Variants in BACE2 observed in about 807,000 individuals in gnomAD.
BACE2 encodes 56 kDa aspartic-like protease.
In BACE2, 17 loss-of-function variants were observed where a neutral mutation model predicts 46.2. The ratio of observed to expected loss-of-function variants is 0.37; its 90% CI spans 0.25 to 0.55. BACE2 has a LOEUF of 0.55. Among genes scored for constraint, BACE2 ranks in the 20% least tolerant of loss-of-function variants. The pLI, the probability that BACE2 is intolerant of heterozygous loss-of-function variation, is 0.82. For synonymous variants in BACE2, 277 were observed against 295.9 expected (o/e 0.94, Z 0.66); for missense variants, 595 against 698.1 (o/e 0.85, Z 1.66).
rs776178618 is a variant in BACE2 at position 41,226,325 on chromosome 21, C to T, written c.372C>T (p.Ser124=). 3.0e-5 allele frequency: 49 copies of T among 1,613,998 alleles called. No homozygotes were observed. The highest frequency in any genetic ancestry group is 4.1e-5 in the Non-Finnish European group (48 of 1,180,034). The part of the protein sequence containing the change: ...SNFAVAGTPH[S]YIDTYFDTER... The stretch of plus-strand genomic sequence containing the variant: ...TTGCCGTGGCAGGAACCCCGCACTC[C>T]TACATAGACACGTACTTTGACACAG... The change falls in exon 2 of 9, where the codon TCC becomes TCT. Residue 124 remains serine (S), a synonymous_variant. Transcript: ENST00000330333.
At position 41,243,499 on chromosome 21, in the gene BACE2, G is replaced by A. The variant is rs770828662; in HGVS notation, c.871G>A (p.Asp291Asn). 6.2e-7 allele frequency: 1 copy of A among 1,610,612 alleles called. No homozygotes were observed. ...AATTGGAGGCCAAAGCCTTAATCTG[G>A]ACTGCAGAGAGGTATTTATGCTATG... Reference protein sequence around the residue: ...LEIGGQSLNLDCREYNADKAI... With the variant: ...LEIGGQSLNLNCREYNADKAI... Residue 291 changes from aspartate (D) to asparagine (N), a missense_variant, in exon 5 of 9, where the codon GAC becomes AAC. By Grantham distance (23) the Asp-to-Asn change is conservative. This residue lies in a region of BACE2 where 343 missense variants were observed against 419.4 expected (regional missense o/e 0.82). Coordinates refer to ENST00000330333, the MANE Select transcript of BACE2 (RefSeq NM_012105.5).
chr21:41,227,212 G>A (rs917122090), intron 2 of BACE2, among the ~76,000 whole-genome samples: 9 of 152,270 alleles, frequency 5.9e-5, no homozygotes, highest in South Asian at 4.1e-4. Context: ...TAAATTCAAC[G>A]GACAGAACAG....
At chr21:41,260,850 T>C (rs1987917212) in intron 8 of BACE2, among the ~76,000 whole-genome samples, 1 of 152,354 alleles carries the variant, frequency 6.6e-6, no homozygotes, top group Admixed American at 6.5e-5. Flanking sequence ...ACCGTATACT[T>C]ATCACAAAAC....
rs2123517115 is a variant in BACE2, at chr21:41,193,673, A to G, written c.312+25098A>G. ...AGCCAGTGTGGGGGTTCTGCCTGCT[A>G]CTAAGCATATCTATGCCAATTATGC... On this transcript the variant is annotated intron_variant, in intron 1 of 8. Transcript: ENST00000330333. The surrounding 1 kb of genome is among the most constrained non-coding windows in gnomAD (Gnocchi z 4.2). Among the ~76,000 whole-genome samples the G allele has an allele frequency of 6.6e-6, 1 of 152,228 alleles. No homozygotes were observed. Among genetic ancestry groups the G allele is most frequent in the East Asian group, 1.9e-4 (1 of 5,190 alleles).
At chr21:41,263,934 C>T (rs1404880478) in intron 8 of BACE2, among the ~76,000 whole-genome samples, 2 of 152,192 alleles carry the variant, frequency 1.3e-5, no homozygotes. Flanking sequence ...CCACTATTGC[C>T]TCATGCACAT....
intron 3 of BACE2, 115 bp downstream of exon 3, chr21:41,237,844 C>T (rs139485418): frequency 1.0e-4 from 80 of 787,924 alleles, no homozygotes; most frequent in Middle Eastern, 3.7e-4. Flanking sequence ...GTGAGAACCA[C>T]GTGGTGGAAA....
intron 5 of BACE2, 142 bp from the exon 6 acceptor site, chr21:41,245,820 G>A (rs912935280): frequency 1.8e-6 from 1 of 557,488 alleles, no homozygotes; most frequent in Non-Finnish European, 3.1e-6. Flanking sequence ...CTGAGAACAT[G>A]AATGAACTAC....
chr21:41,262,329 A>G (rs1219654487), intron 8 of BACE2, among the ~76,000 whole-genome samples: 2 of 152,144 alleles, frequency 1.3e-5, no homozygotes, highest in African/African-American at 4.8e-5. Flanking sequence ...TTTTAATAGC[A>G]TCTTTGTCAT....
intron 6 of BACE2, among the ~76,000 whole-genome samples, chr21:41,248,766 T>C (rs1281697766): frequency 6.6e-6 from 1 of 152,230 alleles, no homozygotes; most frequent in Non-Finnish European, 1.5e-5. Flanking sequence ...ACGTGGCACG[T>C]ACCACCCCTG....
At chr21:41,241,762 A>T in intron 3 of BACE2, 57 bp from the exon 4 acceptor site, 1 of 1,601,738 alleles carries the variant, frequency 6.2e-7, no homozygotes, top group Admixed American at 1.7e-5. Flanking sequence ...ACACTGGGTG[A>T]CCCATGTCTA....
At chr21:41,189,934 G>T (rs115973851) in intron 1 of BACE2, among the ~76,000 whole-genome samples, 4,885 of 152,296 alleles carry the variant, frequency 0.032, 280 homozygotes, top group African/African-American at 0.11. Flanking sequence ...GGAGTCCAGT[G>T]TTCAAGGGCA....
intron 1 of BACE2, among the ~76,000 whole-genome samples, chr21:41,187,815 G>A (rs1985430702): frequency 6.6e-6 from 1 of 152,188 alleles, no homozygotes; most frequent in Admixed American, 6.5e-5. Flanking sequence ...GAATGGCTGG[G>A]CTTTGTATGG....
rs763073599 is a variant in BACE2, at chr21:41,226,351, A to C, written c.398A>C (p.Glu133Ala). ...TACATAGACACGTACTTTGACACAGAGAGGTAAGCGCTGGCCCCTTGGCTG... is the reference window on the plus strand; with the variant it reads ...TACATAGACACGTACTTTGACACAGCGAGGTAAGCGCTGGCCCCTTGGCTG... ...HSYIDTYFDT[E>A]RSSTYRSKGF... is the part of the protein sequence containing the mutation. The change falls in exon 2 of 9, where the codon GAG becomes GCG. Residue 133 changes from glutamate (E) to alanine (A), a missense_variant. By Grantham distance (107) the Glu-to-Ala change is moderately radical. This residue lies in a region of BACE2 where 248 missense variants were observed against 261.4 expected (regional missense o/e 0.95). Transcript: ENST00000330333. 6.2e-6 allele frequency: 10 copies of C among 1,613,620 alleles called. No homozygotes were observed. Among genetic ancestry groups the C allele is most frequent in the Non-Finnish European group, 7.6e-6 (9 of 1,179,868 alleles).
intron 1 of BACE2, among the ~76,000 whole-genome samples, chr21:41,191,848 G>A (rs1027590017): frequency 2.6e-5 from 4 of 152,178 alleles, no homozygotes; most frequent in African/African-American, 7.2e-5. Context: ...GAGGTCCCCC[G>A]TTGGTGAGCA....
At chr21:41,241,971 G>C in intron 4 of BACE2, 24 bp downstream of exon 4, 5 of 1,610,018 alleles carry the variant, frequency 3.1e-6, no homozygotes, top group Non-Finnish European at 4.2e-6. Flanking sequence ...AGTCTTAAAG[G>C]GGCGAAAAAT....
intron 1 of BACE2, among the ~76,000 whole-genome samples, chr21:41,185,717 T>A (rs1381374323): frequency 6.6e-6 from 1 of 152,184 alleles, no homozygotes; most frequent in African/African-American, 2.4e-5. Flanking sequence ...ATGCCTGCGT[T>A]TCAGCCAACA....
At chr21:41,249,374 C>T (rs1375075356) in intron 6 of BACE2, among the ~76,000 whole-genome samples, 1 of 149,746 alleles carries the variant, frequency 6.7e-6, no homozygotes, top group African/African-American at 2.5e-5. Flanking sequence ...CTAGTGAGCC[C>T]CACATGTACA....
At chr21:41,214,893 C>A (rs201552333) in intron 1 of BACE2, among the ~76,000 whole-genome samples, 2,553 of 151,784 alleles carry the variant, frequency 0.017, 33 homozygotes, top group Non-Finnish European at 0.024. Flanking sequence ...GGCACAGAAG[C>A]CTTGGGAACA....
chr21:41,201,005 C>T (rs1163319443), intron 1 of BACE2, among the ~76,000 whole-genome samples: 3 of 152,222 alleles, frequency 2.0e-5, no homozygotes, highest in Non-Finnish European at 4.4e-5. Flanking sequence ...CCACTGTCCG[C>T]ATTCACAGCC....
Sources: gnomAD v4.1 joint callset for allele counts (sites outside exome capture counted in the v4.1 genomes callset) on GRCh38, gnomAD v4.1.1 for gene constraint, gnomAD v4.1.1 regional missense constraint, Gnocchi (gnomAD v3.1) non-coding constraint, MANE v1.5 for transcripts, NCBI Gene and HGNC (gene_info 2026-07-23, HGNC 2026-07-21) for gene names.